CAND1: variants seen among roughly 807,000 people sequenced by gnomAD.
The protein encoded by CAND1 is cullin associated and neddylation dissociated 1.
A neutral mutation model predicts 108.5 loss-of-function variants in CAND1; 7 were observed. That is an observed-to-expected ratio of 0.06 (90% CI 0.04 to 0.12). The LOEUF (loss-of-function observed/expected upper bound fraction) is 0.12. Ranked by LOEUF, CAND1 falls within the 10% of genes least tolerant of loss-of-function variation. The pLI, the probability that CAND1 is intolerant of heterozygous loss-of-function variation, is 1.00. For missense variants in CAND1, 941 were observed against 1,448.7 expected (o/e 0.65, Z 5.69); for synonymous variants, 534 against 512.0 (o/e 1.04, Z -0.58).
intron 13 of CAND1, chr12:67,310,912 G>T (rs1377251819): frequency 1.3e-5 from 2 of 152,102 alleles, no homozygotes; most frequent in Non-Finnish European, 2.9e-5. Flanking sequence ...TTTGGATAAT[G>T]AATTTTGCAT....
chr12:67,284,705 T>TCAGCCCCCGCCCCCG (rs2044651737), intron 2 of CAND1, among the ~76,000 whole-genome samples: 1 of 113,168 alleles, frequency 8.8e-6, no homozygotes, highest in Non-Finnish European at 2.1e-5. Context: ...CACATGCATG[T>TCAGCCCCCGCCCCCG]ACACACACAC....
chr12:67,282,667 T>C (rs2044630717), intron 2 of CAND1, among the ~76,000 whole-genome samples: 1 of 152,158 alleles, frequency 6.6e-6, no homozygotes, highest in African/African-American at 2.4e-5. Flanking sequence ...GCTGGGATTA[T>C]AGGCATGAGC....
intron 2 of CAND1, among the ~76,000 whole-genome samples, chr12:67,283,876 G>A (rs987300232): frequency 6.6e-6 from 1 of 152,060 alleles, no homozygotes; most frequent in African/African-American, 2.4e-5. Flanking sequence ...TTTATAGTTA[G>A]AGGAGTTGGG....
rs1224251704 is a variant in CAND1 at position 67,297,401 on chromosome 12, T to G, written c.492-6T>G. ...TGTTTTCTTTCTTTTTTTATTTTAT[T>G]TTAAGGCAAGGAGGACTTCTTGTTA... is the stretch of plus-strand genomic sequence containing the variant. On this transcript the variant is annotated splice_region_variant and splice_polypyrimidine_tract_variant and intron_variant, in intron 4 of 14. Transcript: ENST00000545606. 1 of 1,604,402 alleles carries G rather than the reference T, an allele frequency of 6.2e-7. No individual in the cohort carries two copies. The highest frequency in any genetic ancestry group is 1.1e-5 in the South Asian group (1 of 89,484).
At position 67,299,063 on chromosome 12, in the gene CAND1, T is replaced by C; in HGVS notation, c.968T>C (p.Met323Thr). 1 of 1,517,506 alleles carries C rather than the reference T, an allele frequency of 6.6e-7. No homozygotes were observed. Among genetic ancestry groups the C allele is most frequent in the Non-Finnish European group, 9.1e-7 (1 of 1,100,428 alleles). The allele number at this position is 1,517,506 out of a possible 1,614,324, so 94.0% of individuals were successfully genotyped here. ...YDDEDEDENA[M>T]DADGGDDDDQ... Reference sequence around the variant, plus strand: ...GATGAAGATGAAGATGAAAATGCAATGGATGCTGATGGTGGTGATGATGAT... The same window carrying C: ...GATGAAGATGAAGATGAAAATGCAACGGATGCTGATGGTGGTGATGATGAT... The change falls in exon 7 of 15, where the codon ATG (methionine) becomes ACG (threonine). Residue 323 changes from methionine (M) to threonine (T), a missense_variant. Coordinates refer to ENST00000545606, the MANE Select transcript of CAND1 (RefSeq NM_018448.5).
chr12:67,308,385 T>C (rs1372774143), intron 11 of CAND1, among the ~76,000 whole-genome samples: 2 of 152,106 alleles, frequency 1.3e-5, no homozygotes, highest in Admixed American at 6.5e-5. Flanking sequence ...AAACAACTTA[T>C]TGGCATTTCC....
rs1491425639 is a variant in CAND1 at position 67,313,910 on chromosome 12, T to TC, written c.*1084dup. 6 of 152,614 alleles carry TC rather than the reference T, an allele frequency of 3.9e-5. No homozygotes were observed. Among genetic ancestry groups the TC allele is most frequent in the African/African-American group, 1.4e-4 (6 of 41,456 alleles). The allele number at this position is 152,614 out of a possible 1,614,324, so 9.5% of individuals were successfully genotyped here. A position where few individuals can be genotyped will look rare whatever the true frequency, so the allele number is the denominator to read the frequency against. On this transcript the variant is annotated 3_prime_UTR_variant, in exon 15 of 15. Transcript: ENST00000545606. The stretch of plus-strand genomic sequence containing the variant: ...TTTTCTTTTAGTTGAGTTAGGTTTT[T>TC]CCCCATCTCCTGTAGAGCGAATTTA...
At position 67,305,031 on chromosome 12, in the gene CAND1, T is replaced by C. The variant is rs1257886195; in HGVS notation, c.1436-73T>C. The C allele has an allele frequency of 1.6e-6, 2 of 1,259,124 alleles. No homozygotes were observed. The highest frequency in any genetic ancestry group is 1.4e-5 in the South Asian group (1 of 68,990). The allele number at this position is 1,259,124 out of a possible 1,614,324, so 78.0% of individuals were successfully genotyped here. The stretch of plus-strand genomic sequence containing the variant: ...TGAAGTGGGAACATTAGCAGTACTA[T>C]AGGGGTTGATTTTTAATTTTTCTTT... On this transcript the variant is annotated intron_variant, in intron 9 of 14. Transcript: ENST00000545606. The surrounding 1 kb of genome is among the most constrained non-coding windows in gnomAD (Gnocchi z 4.4).
chr12:67,269,974 T>G, intron 1 of CAND1, 189 bp downstream of exon 1: 1 of 532,400 alleles, frequency 1.9e-6, no homozygotes, highest in East Asian at 3.5e-5. Flanking sequence ...TGCAACCCCC[T>G]CCCCCCATTC....
chr12:67,303,649 GC>G (rs1294254420), intron 8 of CAND1, among the ~76,000 whole-genome samples: 1 of 152,102 alleles, frequency 6.6e-6, no homozygotes, highest in Non-Finnish European at 1.5e-5. Context: ...CTCTGTACTT[GC>G]TTTGCTGTTG....
chr12:67,303,772 T>G (rs1190706585), intron 8 of CAND1, among the ~76,000 whole-genome samples: 1 of 152,146 alleles, frequency 6.6e-6, no homozygotes, highest in Non-Finnish European at 1.5e-5. Flanking sequence ...AGATGTCTTT[T>G]AATCATACCC....
Position 67,305,060 on chromosome 12 carries a change from A to G in CAND1, c.1436-44A>G, listed in dbSNP as rs538524146. 1.3e-6 allele frequency: 2 copies of G among 1,520,938 alleles called. No individual in the cohort carries two copies. The highest frequency in any genetic ancestry group is 2.0e-5 in the Admixed American group (1 of 49,118). 94.2% of individuals were successfully genotyped at this position (1,520,938 alleles called of 1,614,324 possible). On this transcript the variant is annotated intron_variant, in intron 9 of 14. Coordinates refer to ENST00000545606, the MANE Select transcript of CAND1 (RefSeq NM_018448.5). The surrounding 1 kb of genome is among the most constrained non-coding windows in gnomAD (Gnocchi z 4.4). Reference sequence around the variant, plus strand: ...GGTTGATTTTTAATTTTTCTTTCTTAAAAGTCTGCACAGCAATGATTGGAT... The same window carrying G: ...GGTTGATTTTTAATTTTTCTTTCTTGAAAGTCTGCACAGCAATGATTGGAT...
chr12:67,302,835 GA>G (rs1343328688), intron 8 of CAND1, among the ~76,000 whole-genome samples: 15 of 152,164 alleles, frequency 9.9e-5, no homozygotes, highest in African/African-American at 2.9e-4. Context: ...ATAATTTTAA[GA>G]TTCAGTAAAG....
At chr12:67,270,851 G>A (rs2044515060) in intron 1 of CAND1, 1 of 151,692 alleles carries the variant, frequency 6.6e-6, no homozygotes, top group East Asian at 1.9e-4. Flanking sequence ...TTGTAATTTG[G>A]GTGCATTTTA....
At position 67,309,877 on chromosome 12, in the gene CAND1, G is replaced by T. The variant is rs149706036; in HGVS notation, c.3026-24G>T. 2,639 of 1,547,890 alleles carry T rather than the reference G, an allele frequency of 1.7e-3. 16 individuals carry two copies. The highest frequency in any genetic ancestry group is 5.9e-3 in the South Asian group (506 of 85,410). ...TATTTTAAGTTTATCATGTCTGTCTGTTGCTTTTCTTGTAATATTTCAGGT... is the reference window on the plus strand; with the variant it reads ...TATTTTAAGTTTATCATGTCTGTCTTTTGCTTTTCTTGTAATATTTCAGGT... On this transcript the variant is annotated intron_variant, in intron 11 of 14. Transcript: ENST00000545606.
rs1183631881 is a variant in CAND1 at position 67,299,125 on chromosome 12, T to G, written c.1000+30T>G. On this transcript the variant is annotated intron_variant, in intron 7 of 14. Transcript: ENST00000545606. ...TGCAAATTAAATAGAATCTTTTGAGTTTTTGTGAAAGACACTTATAGATGG... is the reference window on the plus strand; with the variant it reads ...TGCAAATTAAATAGAATCTTTTGAGGTTTTGTGAAAGACACTTATAGATGG... 2.7e-6 allele frequency: 4 copies of G among 1,495,086 alleles called. No individual in the cohort carries two copies. In the African/African-American group the frequency reaches 5.7e-5, roughly 21 times the overall value. The allele number at this position is 1,495,086 out of a possible 1,614,324, so 92.6% of individuals were successfully genotyped here.
Position 67,297,861 on chromosome 12 carries a change from T to G in CAND1, c.854+8T>G, listed in dbSNP as rs781576690. On this transcript the variant is annotated splice_region_variant and intron_variant, in intron 6 of 14. Transcript: ENST00000545606. ...TGAATCATTTGTAAGAAGGTAAGTT[T>G]TTAAGATCTCTATTTTTTACAAAAA... 2.9e-5 allele frequency: 44 copies of G among 1,502,898 alleles called. No individual in the cohort carries two copies. Among genetic ancestry groups the G allele is most frequent in the Non-Finnish European group, 3.9e-5 (43 of 1,091,826 alleles). The allele number at this position is 1,502,898 out of a possible 1,614,324, so 93.1% of individuals were successfully genotyped here.
chr12:67,289,873 T>C (rs1455322280), intron 2 of CAND1, among the ~76,000 whole-genome samples: 1 of 152,182 alleles, frequency 6.6e-6, no homozygotes, highest in African/African-American at 2.4e-5. Flanking sequence ...TTGACCTGCC[T>C]ACTACTTCTT....
rs1367532657 is a variant in CAND1, at chr12:67,272,709, G to GT, written c.68+2931dup. Among the ~76,000 whole-genome samples the GT allele has an allele frequency of 2.6e-5, 4 of 151,330 alleles. No individual in the cohort carries two copies. The East Asian group carries it at 5.8e-4, about 22-fold the overall frequency. On this transcript the variant is annotated intron_variant, in intron 1 of 14. Coordinates refer to ENST00000545606, the MANE Select transcript of CAND1 (RefSeq NM_018448.5). ...GTTGTTGTTTTGGTTTTTTTTGTTT[G>GT]TTTTTTTGAGATGGAGTCTTTTCTG...
Sources: gnomAD v4.1 joint callset for allele counts (sites outside exome capture counted in the v4.1 genomes callset) on GRCh38, gnomAD v4.1.1 for gene constraint, Gnocchi (gnomAD v3.1) non-coding constraint, MANE v1.5 for transcripts, NCBI Gene and HGNC (gene_info 2026-07-23, HGNC 2026-07-21) for gene names.